Variants in EPHA5 observed in about 807,000 individuals in gnomAD.
EPHA5 encodes the protein EPH receptor A5, also known as ephrin type-A receptor 5.
A neutral mutation model predicts 105.0 loss-of-function variants in EPHA5; 60 were observed. The ratio of observed to expected loss-of-function variants is 0.57; its 90% CI spans 0.46 to 0.71. The LOEUF (loss-of-function observed/expected upper bound fraction) is 0.71. EPHA5 is among the 30% of genes least tolerant of loss of function. The pLI is 0.00. For missense variants in EPHA5, 1,218 were observed against 1,274.7 expected (o/e 0.96, Z 0.68); for synonymous variants, 513 against 449.1 (o/e 1.14, Z -1.80).
intron 8 of EPHA5, chr4:65,376,921 G>T (rs1237157096): frequency 1.5e-6 from 2 of 1,311,286 alleles, no homozygotes; most frequent in Non-Finnish European, 2.1e-6. Context: ...TACACAAATG[G>T]AGAAAGAAAA....
At chr4:65,385,397 A>G (rs1287442338) in intron 8 of EPHA5, among the ~76,000 whole-genome samples, 1 of 151,852 alleles carries the variant, frequency 6.6e-6, no homozygotes, top group African/African-American at 2.4e-5. Flanking sequence ...CAAATAATAA[A>G]AGTAATTGCG....
At chr4:65,585,918 CCTTA>C (rs1742076892) in intron 3 of EPHA5, among the ~76,000 whole-genome samples, 1 of 151,038 alleles carries the variant, frequency 6.6e-6, no homozygotes, top group South Asian at 2.1e-4. Flanking sequence ...ATGCCTGCAG[CCTTA>C]CTTTTTTTTC....
chr4:65,627,302 T>G (rs1167541183), intron 2 of EPHA5, among the ~76,000 whole-genome samples: 1 of 152,212 alleles, frequency 6.6e-6, no homozygotes, highest in East Asian at 1.9e-4. Flanking sequence ...AAATGTTTCC[T>G]GATCAAATAA....
intron 3 of EPHA5, among the ~76,000 whole-genome samples, chr4:65,511,168 C>T (rs1284071810): frequency 6.6e-6 from 1 of 152,162 alleles, no homozygotes; most frequent in African/African-American, 2.4e-5. Context: ...TTAAGCCACC[C>T]AGCCTGTGGT....
chr4:65,605,022 G>T (rs911312614), intron 2 of EPHA5, among the ~76,000 whole-genome samples: 8 of 152,126 alleles, frequency 5.3e-5, no homozygotes, highest in African/African-American at 1.9e-4. Context: ...CTGCTCTTTA[G>T]GTCTAGCAAT....
At chr4:65,509,676 C>A (rs745784320) in intron 3 of EPHA5, among the ~76,000 whole-genome samples, 1 of 152,032 alleles carries the variant, frequency 6.6e-6, no homozygotes, top group African/African-American at 2.4e-5. Context: ...CACACTTTTG[C>A]GACCCTATGA....
chr4:65,641,247 A>G (rs1028390365), intron 2 of EPHA5, among the ~76,000 whole-genome samples: 3 of 152,204 alleles, frequency 2.0e-5, no homozygotes, highest in Admixed American at 6.5e-5. Flanking sequence ...AGAGGCAGAA[A>G]GGACACGGAG....
intron 5 of EPHA5, among the ~76,000 whole-genome samples, chr4:65,466,098 G>C (rs1728692689): frequency 6.6e-6 from 1 of 152,268 alleles, no homozygotes; most frequent in Non-Finnish European, 1.5e-5. Context: ...GTTAGGGTGA[G>C]AGAGGTTGTA....
intron 2 of EPHA5, among the ~76,000 whole-genome samples, chr4:65,620,669 G>C (rs1026285973): frequency 1.3e-5 from 2 of 152,106 alleles, no homozygotes; most frequent in African/African-American, 2.4e-5. Context: ...TTCAGTTCTT[G>C]AAAGGTTATA....
chr4:65,591,875 C>G (rs1398774151), intron 3 of EPHA5, among the ~76,000 whole-genome samples: 1 of 152,074 alleles, frequency 6.6e-6, no homozygotes, highest in African/African-American at 2.4e-5. Flanking sequence ...AGTAAAATAA[C>G]ATGAGTTTTG....
At chr4:65,557,470 T>A (rs1738575528) in intron 3 of EPHA5, among the ~76,000 whole-genome samples, 2 of 151,836 alleles carry the variant, frequency 1.3e-5, no homozygotes, top group Non-Finnish European at 2.9e-5. Context: ...TTATAGGGTA[T>A]CATGTGAAAA....
rs180914851 is a variant in EPHA5, at chr4:65,651,355, T to G, written c.182-7928A>C. Among the ~76,000 whole-genome samples, 4 of 152,278 alleles carry G rather than the reference T, an allele frequency of 2.6e-5. No homozygotes were observed. The East Asian group carries it at 7.7e-4, about 29-fold the overall frequency. On this transcript the variant is annotated intron_variant, in intron 1 of 16. Coordinates refer to ENST00000613740, the MANE Select transcript of EPHA5 (RefSeq NM_001281766.3). ...GTTGTTGCTTAATCCAGTAGGGAAGTTATTTGCTGTTATTTGAAGAGGAAG... is the reference window on the plus strand; with the variant it reads ...GTTGTTGCTTAATCCAGTAGGGAAGGTATTTGCTGTTATTTGAAGAGGAAG...
At chr4:65,342,355 A>G (rs562449894) in intron 14 of EPHA5, among the ~76,000 whole-genome samples, 27 of 152,240 alleles carry the variant, frequency 1.8e-4, no homozygotes, top group South Asian at 1.2e-3. Context: ...CTCATTTTAG[A>G]TTACATAGCA....
chr4:65,368,333 G>A (rs67180184), intron 8 of EPHA5, among the ~76,000 whole-genome samples: 19,785 of 151,932 alleles, frequency 0.13, 1,493 homozygotes, highest in East Asian at 0.28. Flanking sequence ...TTTTATAGGG[G>A]TATTCCACCA....
chr4:65,489,555 A>T (rs992141582), intron 5 of EPHA5, among the ~76,000 whole-genome samples: 8 of 152,156 alleles, frequency 5.3e-5, no homozygotes, highest in Admixed American at 5.2e-4. Context: ...CCCCTCCCAG[A>T]TACCTGTTGG....
intron 1 of EPHA5, among the ~76,000 whole-genome samples, chr4:65,655,777 TAAC>T (rs1459201249): frequency 6.6e-6 from 1 of 152,080 alleles, no homozygotes; most frequent in Non-Finnish European, 1.5e-5. Flanking sequence ...ACAGCATAAT[TAAC>T]AATATTCTGA....
chr4:65,389,626 T>C (rs553272689), intron 8 of EPHA5, among the ~76,000 whole-genome samples: 14 of 152,166 alleles, frequency 9.2e-5, no homozygotes, highest in South Asian at 6.2e-4. Context: ...GCATTATCTA[T>C]GGAGAGGATC....
At chr4:65,475,448 CATAACTTTG>C (rs1729702011) in intron 5 of EPHA5, among the ~76,000 whole-genome samples, 1 of 152,082 alleles carries the variant, frequency 6.6e-6, no homozygotes, top group Non-Finnish European at 1.5e-5. Context: ...TTGATTTAAA[CATAACTTTG>C]CCTCTCTGGG....
chr4:65,395,827 C>T (rs1008763824), intron 8 of EPHA5, among the ~76,000 whole-genome samples: 2 of 152,346 alleles, frequency 1.3e-5, no homozygotes, highest in East Asian at 3.9e-4. Context: ...TAGCATTAAA[C>T]TCACATATAA....
Sources: gnomAD v4.1 joint callset for allele counts (sites outside exome capture counted in the v4.1 genomes callset) on GRCh38, gnomAD v4.1.1 for gene constraint, MANE v1.5 for transcripts, NCBI Gene and HGNC (gene_info 2026-07-23, HGNC 2026-07-21) for gene names.